Variants in ADGRL3 observed in about 807,000 individuals in gnomAD.
ADGRL3 encodes the protein adhesion G protein-coupled receptor L3, also known as calcium-independent alpha-latrotoxin receptor 3.
Under a neutral mutation model 153.5 loss-of-function variants are expected in ADGRL3, and 62 were observed. The ratio of observed to expected loss-of-function variants is 0.40; its 90% CI spans 0.33 to 0.50. ADGRL3 has a LOEUF of 0.50. ADGRL3 is among the 20% of genes least tolerant of loss of function. ADGRL3 has a pLI of 0.47. For synonymous variants in ADGRL3, 710 were observed against 672.5 expected, an observed-to-expected ratio of 1.06 and a Z score of -0.86; for missense variants, 1,641 against 1,859.4, an observed-to-expected ratio of 0.88 and a Z score of 2.16.
At chr4:61,673,494 A>G (rs2150836666) in intron 5 of ADGRL3, among the ~76,000 whole-genome samples, 1 of 151,876 alleles carries the variant, frequency 6.6e-6, no homozygotes, top group East Asian at 1.9e-4. Flanking sequence ...AGATTACTTT[A>G]TCTCACTTTT....
intron 11 of ADGRL3, among the ~76,000 whole-genome samples, chr4:61,905,518 T>C (rs1481097710): frequency 6.6e-6 from 1 of 152,222 alleles, no homozygotes; most frequent in East Asian, 1.9e-4. Flanking sequence ...CATTTAGTCT[T>C]ACAGGTATTT....
chr4:61,656,329 AAAAG>A (rs1471397584), intron 5 of ADGRL3, among the ~76,000 whole-genome samples: 2 of 152,166 alleles, frequency 1.3e-5, no homozygotes, highest in African/African-American at 2.4e-5. Flanking sequence ...TGTTGAGTGA[AAAAG>A]AAAAGTACAA....
intron 2 of ADGRL3, among the ~76,000 whole-genome samples, chr4:61,441,519 CT>C (rs141891357): frequency 6.9e-4 from 100 of 144,256 alleles, no homozygotes; most frequent in Middle Eastern, 7.0e-3. Flanking sequence ...CCCTCTCACT[CT>C]TTTTTTTTTT....
chr4:61,947,866 T>G (rs893056715), intron 16 of ADGRL3, among the ~76,000 whole-genome samples: 1 of 152,248 alleles, frequency 6.6e-6, no homozygotes. Flanking sequence ...ACTAGTATAT[T>G]ATTTTAGTGT....
intron 2 of ADGRL3, among the ~76,000 whole-genome samples, chr4:61,392,295 G>T (rs542091545): frequency 6.6e-6 from 1 of 152,082 alleles, no homozygotes; most frequent in East Asian, 1.9e-4. Flanking sequence ...AACTGTTTTC[G>T]GTACTGGATG....
intron 4 of ADGRL3, among the ~76,000 whole-genome samples, chr4:61,574,946 G>C (rs1020550654): frequency 7.9e-5 from 12 of 151,322 alleles, no homozygotes; most frequent in African/African-American, 2.9e-4. Flanking sequence ...ATGTTTGCAA[G>C]CATCATTTTA....
At chr4:61,522,208 G>C (rs2098535562) in intron 4 of ADGRL3, among the ~76,000 whole-genome samples, 1 of 152,092 alleles carries the variant, frequency 6.6e-6, no homozygotes, top group African/African-American at 2.4e-5. Flanking sequence ...ATTTGGAGAA[G>C]CAGGAGACCA....
At chr4:61,620,276 C>G (rs2092407528) in intron 5 of ADGRL3, among the ~76,000 whole-genome samples, 1 of 152,046 alleles carries the variant, frequency 6.6e-6, no homozygotes. Flanking sequence ...AGACACAGGA[C>G]AGGCGATAAT....
chr4:61,831,859 T>C (rs1392681663), intron 9 of ADGRL3, among the ~76,000 whole-genome samples: 2 of 152,002 alleles, frequency 1.3e-5, no homozygotes. Flanking sequence ...TATCTTAACC[T>C]TCAGGCAAGC....
intron 19 of ADGRL3, among the ~76,000 whole-genome samples, chr4:61,991,542 A>C (rs1021929713): frequency 6.6e-6 from 1 of 152,108 alleles, no homozygotes; most frequent in African/African-American, 2.4e-5. Context: ...TTTTTGATAT[A>C]TTAGAAGTAG....
At chr4:61,804,538 A>G (rs1209817101) in intron 8 of ADGRL3, among the ~76,000 whole-genome samples, 4 of 152,142 alleles carry the variant, frequency 2.6e-5, no homozygotes, top group Non-Finnish European at 5.9e-5. Flanking sequence ...TATAGGTGTA[A>G]AGAACTTCTT....
At chr4:62,013,548 A>T (rs1560506329) in intron 21 of ADGRL3, among the ~76,000 whole-genome samples, 1 of 151,936 alleles carries the variant, frequency 6.6e-6, no homozygotes, top group Non-Finnish European at 1.5e-5. Flanking sequence ...ATCTCAAAAA[A>T]AAAAGAAAGA....
chr4:61,846,593 T>A (rs1241635960), intron 9 of ADGRL3, among the ~76,000 whole-genome samples: 1 of 152,142 alleles, frequency 6.6e-6, no homozygotes, highest in Non-Finnish European at 1.5e-5. Flanking sequence ...TCATTGATGT[T>A]CATGTAGCAT....
intron 8 of ADGRL3, among the ~76,000 whole-genome samples, chr4:61,746,983 A>G (rs1156742904): frequency 2.0e-5 from 3 of 152,222 alleles, no homozygotes; most frequent in African/African-American, 7.2e-5. Flanking sequence ...AGAAGAAAAG[A>G]GAGAATGATC....
chr4:61,472,160 T>A (rs2152688299), intron 2 of ADGRL3, among the ~76,000 whole-genome samples: 2 of 152,212 alleles, frequency 1.3e-5, no homozygotes, highest in Middle Eastern at 6.8e-3. Context: ...GTGGGAAGAA[T>A]GAAGTGATAG....
rs1217999680 is a variant in ADGRL3 at position 61,200,386 on chromosome 4, G to A, written c.-1619G>A. On this transcript the variant is annotated 5_prime_UTR_variant, in exon 1 of 27. Coordinates refer to ENST00000683033, the MANE Select transcript of ADGRL3 (RefSeq NM_001387552.1). Reference sequence around the variant, plus strand: ...CCCGCGCGCAGGCTGCACGGTCCCCGCGCGCCCGCGCTCTGACCCGCTGTC... The same window carrying A: ...CCCGCGCGCAGGCTGCACGGTCCCCACGCGCCCGCGCTCTGACCCGCTGTC... 6.6e-6 allele frequency among the ~76,000 whole-genome samples: 1 copy of A among 151,042 alleles called. No individual in the cohort carries two copies. The highest frequency in any genetic ancestry group is 1.5e-5 in the Non-Finnish European group (1 of 67,768).
intron 5 of ADGRL3, among the ~76,000 whole-genome samples, chr4:61,623,011 C>T (rs1261259328): frequency 6.6e-6 from 1 of 151,996 alleles, no homozygotes; most frequent in Non-Finnish European, 1.5e-5. Flanking sequence ...AATTAATGTT[C>T]TAGAGGTCAC....
chr4:61,910,750 A>G (rs900125684), intron 12 of ADGRL3, among the ~76,000 whole-genome samples: 5 of 151,720 alleles, frequency 3.3e-5, no homozygotes, highest in African/African-American at 9.7e-5. Context: ...AGAATGAAAA[A>G]TGACTCTGCA....
At chr4:61,930,529 A>G (rs918754112) in intron 13 of ADGRL3, among the ~76,000 whole-genome samples, 16 of 152,200 alleles carry the variant, frequency 1.1e-4, no homozygotes, top group African/African-American at 3.9e-4. Context: ...CTGTATTTTG[A>G]AATATAGAAA....
Sources: gnomAD v4.1 joint callset for allele counts (sites outside exome capture counted in the v4.1 genomes callset) on GRCh38, gnomAD v4.1.1 for gene constraint, MANE v1.5 for transcripts, NCBI Gene and HGNC (gene_info 2026-07-23, HGNC 2026-07-21) for gene names.